MGMT: variants seen among roughly 807,000 people sequenced by gnomAD.
MGMT encodes methylated-DNA--protein-cysteine methyltransferase.
MGMT carries 14 observed loss-of-function variants against 15.9 expected under a neutral mutation model. The ratio of observed to expected loss-of-function variants is 0.88; its 90% CI spans 0.58 to 1.37. The LOEUF (loss-of-function observed/expected upper bound fraction) is 1.37, where lower values mean the gene tolerates loss of function less well. MGMT is among the 40% of genes most tolerant of loss of function. The probability of loss-of-function intolerance (pLI) is 0.00; values close to 1 mark genes in which losing one functional copy is unlikely to be tolerated. For synonymous variants in MGMT, 130 were observed against 118.2 expected (o/e 1.10, Z -0.65); for missense variants, 282 against 268.1 (o/e 1.05, Z -0.36).
intron 1 of MGMT, among the ~76,000 whole-genome samples, chr10:129,478,694 G>T (rs1302090880): frequency 6.6e-6 from 1 of 152,174 alleles, no homozygotes; most frequent in Non-Finnish European, 1.5e-5. Flanking sequence ...CTGTGGCCTT[G>T]CAGTGCAGGC....
rs118104106 is a variant in MGMT at position 129,728,139 on chromosome 10, A to G, written c.274+20096A>G. Among the ~76,000 whole-genome samples the G allele has an allele frequency of 4.7e-3, 711 of 152,292 alleles. 54 individuals carry two copies. The East Asian group carries it at 0.13, about 27-fold the overall frequency. On this transcript the variant is annotated intron_variant, in intron 3 of 4. Transcript: ENST00000651593. Reference sequence around the variant, plus strand: ...CTGGGTGAGAGAGGGAGGAGGGGACATGGAGCCAGCACCAGGGGACAAGGG... The same window carrying G: ...CTGGGTGAGAGAGGGAGGAGGGGACGTGGAGCCAGCACCAGGGGACAAGGG...
rs116581782 is a variant in MGMT, at chr10:129,744,702, G to A, written c.275-14500G>A. 9.4e-3 allele frequency among the ~76,000 whole-genome samples: 1,429 copies of A among 152,296 alleles called. 23 individuals carry two copies. The highest frequency in any genetic ancestry group is 0.031 in the African/African-American group (1,280 of 41,562). On this transcript the variant is annotated intron_variant, in intron 3 of 4. Transcript: ENST00000651593. ...AGGCACCTCCTCCCGCTCACTCTCAGTGTGCGCCTCCACAGGGACCACAGA... is the reference window on the plus strand; with the variant it reads ...AGGCACCTCCTCCCGCTCACTCTCAATGTGCGCCTCCACAGGGACCACAGA...
intron 2 of MGMT, among the ~76,000 whole-genome samples, chr10:129,643,312 T>C (rs1404346174): frequency 2.0e-5 from 3 of 152,138 alleles, no homozygotes; most frequent in Non-Finnish European, 4.4e-5. Flanking sequence ...AAAACTGGAG[T>C]AAGCAGTTTG....
chr10:129,741,449 C>T (rs754947194), intron 3 of MGMT, among the ~76,000 whole-genome samples: 6 of 152,208 alleles, frequency 3.9e-5, no homozygotes, highest in Non-Finnish European at 5.9e-5. Flanking sequence ...GGCTCCCCTG[C>T]ATGGGAAAGG....
At chr10:129,539,530 G>A (rs770955423) in intron 2 of MGMT, among the ~76,000 whole-genome samples, 49 of 152,038 alleles carry the variant, frequency 3.2e-4, no homozygotes, top group African/African-American at 1.0e-3. Context: ...GTTTTGAGAC[G>A]GAGTCTTGCT....
intron 3 of MGMT, among the ~76,000 whole-genome samples, chr10:129,757,648 T>C (rs571368522): frequency 6.6e-6 from 1 of 152,324 alleles, no homozygotes; most frequent in African/African-American, 2.4e-5. Flanking sequence ...TTTTTAAAGT[T>C]AGGCATAACA....
At chr10:129,625,033 G>A (rs1458896870) in intron 2 of MGMT, among the ~76,000 whole-genome samples, 1 of 152,070 alleles carries the variant, frequency 6.6e-6, no homozygotes, top group Non-Finnish European at 1.5e-5. Flanking sequence ...CAAACCTGAT[G>A]AAGAAAAATG....
intron 2 of MGMT, among the ~76,000 whole-genome samples, chr10:129,663,563 T>G (rs1179063521): frequency 6.6e-6 from 1 of 152,032 alleles, no homozygotes; most frequent in African/African-American, 2.4e-5. Context: ...TGAAAAAAAT[T>G]TAAACAGACA....
intron 2 of MGMT, among the ~76,000 whole-genome samples, chr10:129,605,742 G>A (rs541448253): frequency 1.3e-5 from 2 of 152,202 alleles, no homozygotes; most frequent in Middle Eastern, 3.4e-3. Flanking sequence ...TCTCAAACAC[G>A]TGTTGTGGAC....
chr10:129,531,380 T>TTCACTCCTGTC (rs1845929815), intron 1 of MGMT, among the ~76,000 whole-genome samples: 1 of 152,238 alleles, frequency 6.6e-6, no homozygotes, highest in Middle Eastern at 3.4e-3. Flanking sequence ...TTGCGATGGT[T>TTCACTCCTGTC]TCACTCCTGT....
At chr10:129,535,583 GT>G (rs1452096260) in intron 1 of MGMT, among the ~76,000 whole-genome samples, 7 of 152,288 alleles carry the variant, frequency 4.6e-5, no homozygotes, top group Non-Finnish European at 2.9e-5. Flanking sequence ...CAACTCCTGA[GT>G]TCAAGTGATC....
chr10:129,496,632 T>G (rs1845524666), intron 1 of MGMT, among the ~76,000 whole-genome samples: 1 of 152,088 alleles, frequency 6.6e-6, no homozygotes, highest in African/African-American at 2.4e-5. Flanking sequence ...TTCTGTCGCA[T>G]CAGCTTGTGC....
chr10:129,503,092 G>A (rs1029436471), intron 1 of MGMT, among the ~76,000 whole-genome samples: 8 of 148,024 alleles, frequency 5.4e-5, no homozygotes, highest in Non-Finnish European at 8.9e-5. Context: ...TAATGGTTTC[G>A]CCCACACTGC....
intron 2 of MGMT, among the ~76,000 whole-genome samples, chr10:129,580,840 G>T (rs1161222970): frequency 6.6e-6 from 1 of 152,232 alleles, no homozygotes; most frequent in African/African-American, 2.4e-5. Flanking sequence ...TGAGGTCTTT[G>T]TTGCAAACAT....
intron 2 of MGMT, among the ~76,000 whole-genome samples, chr10:129,655,528 G>A (rs1847515732): frequency 6.6e-6 from 1 of 152,190 alleles, no homozygotes; most frequent in Admixed American, 6.5e-5. Flanking sequence ...GACCTTTGTT[G>A]TCTCCTTGTG....
intron 1 of MGMT, among the ~76,000 whole-genome samples, chr10:129,476,442 G>A (rs1845295400): frequency 6.6e-6 from 1 of 152,166 alleles, no homozygotes; most frequent in Admixed American, 6.5e-5. Flanking sequence ...GCAGCAGACG[G>A]CTTCTTGGAA....
chr10:129,654,032 G>A (rs1847495137), intron 2 of MGMT, among the ~76,000 whole-genome samples: 1 of 152,112 alleles, frequency 6.6e-6, no homozygotes, highest in African/African-American at 2.4e-5. Context: ...CCTGTGCTGG[G>A]CACAGCTGGC....
intron 3 of MGMT, among the ~76,000 whole-genome samples, chr10:129,712,898 G>A (rs1039788208): frequency 5.3e-5 from 8 of 152,250 alleles, no homozygotes; most frequent in Middle Eastern, 3.4e-3. Flanking sequence ...GGCCTCCCCT[G>A]GAAAGAGGCA....
chr10:129,688,152 CG>C (rs1160543588), intron 2 of MGMT, among the ~76,000 whole-genome samples: 1 of 152,102 alleles, frequency 6.6e-6, no homozygotes, highest in Non-Finnish European at 1.5e-5. Flanking sequence ...AGTAAACATA[CG>C]TGTGCATGTG....
Sources: gnomAD v4.1 joint callset for allele counts (sites outside exome capture counted in the v4.1 genomes callset) on GRCh38, gnomAD v4.1.1 for gene constraint, MANE v1.5 for transcripts, NCBI Gene and HGNC (gene_info 2026-07-23, HGNC 2026-07-21) for gene names.